The following PPFIBP1 variants were observed in gnomAD, a reference collection of about 807,000 sequenced individuals.
PPFIBP1 encodes the protein liprin-beta-1.
In PPFIBP1, 112 loss-of-function variants were observed where a neutral mutation model predicts 137.8. That is an observed-to-expected ratio of 0.81 (90% CI 0.70 to 0.95). PPFIBP1 has a LOEUF of 0.95. PPFIBP1 is among the 40% of genes least tolerant of loss of function. The pLI is 0.00. For missense variants in PPFIBP1, 1,083 were observed against 1,196.6 expected, an observed-to-expected ratio of 0.91 and a Z score of 1.40; for synonymous variants, 378 against 417.3, an observed-to-expected ratio of 0.91 and a Z score of 1.15.
chr12:27,530,954 G>C (rs1944353361), intron 1 of PPFIBP1, among the ~76,000 whole-genome samples: 2 of 152,288 alleles, frequency 1.3e-5, no homozygotes, highest in South Asian at 4.1e-4. Flanking sequence ...CTGCTCTACT[G>C]GACCCATTTC....
chr12:27,670,979 A>G (rs1043949342), intron 13 of PPFIBP1, among the ~76,000 whole-genome samples: 5 of 151,884 alleles, frequency 3.3e-5, no homozygotes, highest in Non-Finnish European at 5.9e-5. Flanking sequence ...GTCAGAACCA[A>G]CATTTCATCC....
intron 2 of PPFIBP1, among the ~76,000 whole-genome samples, chr12:27,622,069 G>A (rs545456089): frequency 4.0e-4 from 61 of 152,290 alleles, no homozygotes; most frequent in Middle Eastern, 3.4e-3. Flanking sequence ...CTTATTGTCG[G>A]TGCTAACAGT....
At chr12:27,561,413 C>T (rs1592475099) in intron 1 of PPFIBP1, among the ~76,000 whole-genome samples, 1 of 152,136 alleles carries the variant, frequency 6.6e-6, no homozygotes, top group South Asian at 2.1e-4. Context: ...CTTTTTGTGT[C>T]GGTTGAATCT....
chr12:27,657,927 A>G (rs1362458329), intron 9 of PPFIBP1, among the ~76,000 whole-genome samples: 1 of 151,878 alleles, frequency 6.6e-6, no homozygotes, highest in East Asian at 1.9e-4. Flanking sequence ...GGGCAACACA[A>G]TGAGACCCTG....
intron 19 of PPFIBP1, among the ~76,000 whole-genome samples, chr12:27,678,619 G>A (rs1020184077): frequency 6.6e-6 from 1 of 152,078 alleles, no homozygotes; most frequent in Admixed American, 6.5e-5. Flanking sequence ...CAGCACTTTG[G>A]GAGGCCGAGG....
intron 2 of PPFIBP1, among the ~76,000 whole-genome samples, chr12:27,622,628 GAC>G (rs1218603191): frequency 6.6e-6 from 1 of 152,158 alleles, no homozygotes; most frequent in East Asian, 1.9e-4. Context: ...CACCTGTGCA[GAC>G]ACACACACGC....
chr12:27,544,001 T>A (rs186237488), intron 1 of PPFIBP1, among the ~76,000 whole-genome samples: 127 of 150,584 alleles, frequency 8.4e-4, no homozygotes, highest in African/African-American at 2.9e-3. Context: ...CACCTAAGCC[T>A]CTCAAGTAGC....
intron 4 of PPFIBP1, among the ~76,000 whole-genome samples, chr12:27,639,988 C>T (rs1206943566): frequency 1.3e-5 from 2 of 152,128 alleles, no homozygotes; most frequent in Non-Finnish European, 2.9e-5. Context: ...TTTTCTCAGG[C>T]CTTGGCAAAC....
At chr12:27,599,612 C>T (rs2053740651) in intron 2 of PPFIBP1, 1 of 410,182 alleles carries the variant, frequency 2.4e-6, no homozygotes, top group African/African-American at 2.1e-5. Context: ...TGTATCTCTA[C>T]AGAACCTAGA....
intron 2 of PPFIBP1, among the ~76,000 whole-genome samples, chr12:27,628,652 G>T (rs1468683591): frequency 2.0e-5 from 3 of 152,158 alleles, no homozygotes; most frequent in African/African-American, 7.2e-5. Flanking sequence ...CTTGATTCAT[G>T]ACATATTATC....
chr12:27,562,453 T>TAA (rs2049247237), intron 1 of PPFIBP1, among the ~76,000 whole-genome samples: 2 of 152,242 alleles, frequency 1.3e-5, no homozygotes, highest in Admixed American at 6.5e-5. Context: ...GTATAAATTA[T>TAA]CTTGGTAAAA....
chr12:27,648,954 A>G (rs1434331999), intron 6 of PPFIBP1, among the ~76,000 whole-genome samples: 1 of 152,242 alleles, frequency 6.6e-6, no homozygotes, highest in African/African-American at 2.4e-5. Flanking sequence ...GGGTGACTAT[A>G]GCCAATAATA....
chr12:27,565,421 C>T (rs1373921189), intron 1 of PPFIBP1, among the ~76,000 whole-genome samples: 2 of 152,168 alleles, frequency 1.3e-5, no homozygotes, highest in African/African-American at 4.8e-5. Flanking sequence ...TGGGCTAGAA[C>T]AAAACACATC....
In PPFIBP1 at chr12:27,689,048, GC is replaced by G; in HGVS notation, c.2531del (p.Ala844ValfsTer4). On this transcript the variant is annotated frameshift_variant, in exon 27 of 30. Coordinates refer to ENST00000228425, the MANE Select transcript of PPFIBP1 (RefSeq NM_003622.4). LOFTEE classifies it high-confidence loss of function. ...LEPRFNVETM[A>X]QLLNIPPNKT... Reference sequence around the variant, plus strand: ...GCCTCGTTTTAACGTAGAAACAATGGCTCAGTTATTGAACATCCCACCCAAT... The same window carrying G: ...GCCTCGTTTTAACGTAGAAACAATGGTCAGTTATTGAACATCCCACCCAAT... The G allele has an allele frequency of 6.2e-7, 1 of 1,613,500 alleles. No homozygotes were observed. The highest frequency in any genetic ancestry group is 8.5e-7 in the Non-Finnish European group (1 of 1,179,832).
intron 2 of PPFIBP1, among the ~76,000 whole-genome samples, chr12:27,595,910 T>C (rs1158417216): frequency 7.5e-6 from 1 of 132,926 alleles, no homozygotes; most frequent in East Asian, 2.3e-4. Context: ...TATATATATA[T>C]ATATATATAT....
chr12:27,582,210 G>C (rs990059042), intron 2 of PPFIBP1, among the ~76,000 whole-genome samples: 17 of 152,090 alleles, frequency 1.1e-4, no homozygotes, highest in African/African-American at 4.1e-4. Context: ...CAAATAAGTG[G>C]CGTGTGTATG....
chr12:27,612,328 G>GTTTTTTTT lies in PPFIBP1; in HGVS notation c.-35-21018_-35-21011dup, dbSNP rs1173958726. On this transcript the variant is annotated intron_variant, in intron 2 of 29. Transcript: ENST00000228425. The stretch of plus-strand genomic sequence containing the variant: ...TATGCTCCATCTGTACTTTATTGGT[G>GTTTTTTTT]TTTTTTTTTTTTTTTTTTTTTTTGA... 4.5e-4 allele frequency among the ~76,000 whole-genome samples: 39 copies of GTTTTTTTT among 87,248 alleles called. 2 individuals are homozygous for GTTTTTTTT. Among genetic ancestry groups the GTTTTTTTT allele is most frequent in the Non-Finnish European group, 4.9e-4 (23 of 46,470 alleles). The allele number at this position is 87,248 out of a possible 152,430, so 57.2% of individuals were successfully genotyped here. A position where few individuals can be genotyped will look rare whatever the true frequency, so the allele number is the denominator to read the frequency against.
In PPFIBP1 at chr12:27,671,128, C is replaced by T. The variant is rs1214989104; in HGVS notation, c.1147-303C>T. On this transcript the variant is annotated intron_variant, in intron 13 of 29. Coordinates refer to ENST00000228425, the MANE Select transcript of PPFIBP1 (RefSeq NM_003622.4). ...GACCATTCTGGGCAACATAGCAAGA[C>T]GCCGTCTCAAAAAAAAGAAAAAAAA... 4.0e-5 allele frequency among the ~76,000 whole-genome samples: 6 copies of T among 151,646 alleles called. No individual in the cohort carries two copies. The South Asian group carries it at 6.2e-4, about 16-fold the overall frequency.
At chr12:27,577,333 A>G (rs554775841) in intron 1 of PPFIBP1, among the ~76,000 whole-genome samples, 1 of 152,194 alleles carries the variant, frequency 6.6e-6, no homozygotes, top group East Asian at 1.9e-4. Flanking sequence ...GAATCCTCAC[A>G]AGGACAGATA....
Sources: allele counts gnomAD v4.1 joint callset (sites outside exome capture counted in the v4.1 genomes callset), GRCh38; gene constraint gnomAD v4.1.1; transcripts MANE v1.5; gene names NCBI Gene and HGNC (gene_info 2026-07-23, HGNC 2026-07-21).